PTPRT: variants seen among roughly 807,000 people sequenced by gnomAD.
The protein encoded by PTPRT is protein tyrosine phosphatase receptor type T.
A neutral mutation model predicts 176.8 loss-of-function variants in PTPRT; 56 were observed. The ratio of observed to expected loss-of-function variants is 0.32; its 90% CI spans 0.26 to 0.40. The LOEUF (loss-of-function observed/expected upper bound fraction) is 0.40, where lower values mean the gene tolerates loss of function less well. PTPRT is among the 10% of genes least tolerant of loss of function. The pLI is 1.00. For missense variants in PTPRT, 1,540 were observed against 1,908.2 expected, an observed-to-expected ratio of 0.81 and a Z score of 3.60; for synonymous variants, 783 against 739.0, an observed-to-expected ratio of 1.06 and a Z score of -0.96.
intron 19 of PTPRT, among the ~76,000 whole-genome samples, chr20:42,127,193 C>T (rs1047074221): frequency 6.6e-6 from 1 of 152,204 alleles, no homozygotes; most frequent in African/African-American, 2.4e-5. Context: ...GGAGAAATAA[C>T]TAGAGTCCAG....
rs35858700 is a variant in PTPRT at position 42,352,133 on chromosome 20, T to C, written c.1713A>G (p.Ala571=). Residue 571 remains alanine, a synonymous_variant, in exon 10 of 31, where the codon GCA becomes GCG. Transcript: ENST00000373187. Reference sequence around the variant, plus strand: ...TGGTGACAGGGGGCCCAAAGCCCTTTGCTGTGCTGGCCTTGATGGTGAAGG... The same window carrying C: ...TGGTGACAGGGGGCCCAAAGCCCTTCGCTGTGCTGGCCTTGATGGTGAAGG... ...TYSFTIKAST[A]KGFGPPVTTR... is the part of the protein sequence containing the mutation. 6,465 of 1,614,188 alleles carry C rather than the reference T, an allele frequency of 4.0e-3. 240 individuals carry two copies. The African/African-American group carries it at 0.074, about 19-fold the overall frequency.
chr20:43,137,076 T>C (rs934224477), intron 1 of PTPRT, among the ~76,000 whole-genome samples: 1 of 152,214 alleles, frequency 6.6e-6, no homozygotes, highest in Non-Finnish European at 1.5e-5. Context: ...GTCTTCTACC[T>C]GTGACTACTC....
intron 7 of PTPRT, among the ~76,000 whole-genome samples, chr20:42,596,577 T>C (rs2073674695): frequency 6.6e-6 from 1 of 152,222 alleles, no homozygotes; most frequent in Admixed American, 6.5e-5. Context: ...GCAATGTTTG[T>C]AACAGAAAAC....
intron 5 of PTPRT, among the ~76,000 whole-genome samples, chr20:42,758,247 T>TG (rs2076864776): frequency 6.6e-6 from 1 of 152,218 alleles, no homozygotes. Flanking sequence ...CGATCTTCAT[T>TG]GTTTCCTGCA....
chr20:42,761,609 C>T (rs2076917296), intron 5 of PTPRT, among the ~76,000 whole-genome samples: 1 of 152,144 alleles, frequency 6.6e-6, no homozygotes, highest in Admixed American at 6.5e-5. Context: ...CTAGTAATTC[C>T]TATTTAATGA....
At chr20:42,154,885 G>A (rs375685357) in intron 17 of PTPRT, among the ~76,000 whole-genome samples, 101 of 152,300 alleles carry the variant, frequency 6.6e-4, no homozygotes, top group African/African-American at 2.4e-3. Context: ...TGGGGAGGAG[G>A]GAGGATGCTG....
chr20:42,738,444 G>C (rs918954414), intron 6 of PTPRT, among the ~76,000 whole-genome samples: 2 of 151,972 alleles, frequency 1.3e-5, no homozygotes, highest in African/African-American at 4.8e-5. Flanking sequence ...GGGAGGTGGA[G>C]GTTGCAGTGA....
chr20:42,986,614 T>C (rs1029934176), intron 1 of PTPRT, among the ~76,000 whole-genome samples: 9 of 152,306 alleles, frequency 5.9e-5, no homozygotes, highest in Admixed American at 5.2e-4. Context: ...TCATGGACGA[T>C]GATGGTGACT....
chr20:42,036,623 C>T, the PTPRT span, among the ~76,000 whole-genome samples: 1 of 152,118 alleles, frequency 6.6e-6, no homozygotes, highest in South Asian at 2.1e-4. Context: ...CCGAAGAGCA[C>T]TTAAAAGTCC....
intron 13 of PTPRT, among the ~76,000 whole-genome samples, chr20:42,273,741 G>A (rs911056635): frequency 2.6e-5 from 4 of 152,218 alleles, no homozygotes; most frequent in African/African-American, 9.6e-5. Flanking sequence ...CTCACTAGCT[G>A]TGTCATTTGG....
chr20:42,305,748 C>G (rs1318269485), intron 12 of PTPRT, among the ~76,000 whole-genome samples: 1 of 152,152 alleles, frequency 6.6e-6, no homozygotes, highest in Non-Finnish European at 1.5e-5. Context: ...CATCTCATCC[C>G]TGTTTGACAG....
At position 42,896,333 on chromosome 20, in the gene PTPRT, C is replaced by T. The variant is rs961531856; in HGVS notation, c.89-10401G>A. On this transcript the variant is annotated intron_variant, in intron 1 of 30. Coordinates refer to ENST00000373187, the MANE Select transcript of PTPRT (RefSeq NM_007050.6). ...AGACTAAAATGCAGAGTCTCTTCTT[C>T]AAAATTAAGAAATCAAGATGGTGCC... 3.9e-5 allele frequency among the ~76,000 whole-genome samples: 6 copies of T among 151,916 alleles called. No homozygotes were observed. In the South Asian group the frequency reaches 1.0e-3, roughly 26 times the overall value.
At chr20:42,221,806 A>G (rs1294878264) in intron 15 of PTPRT, among the ~76,000 whole-genome samples, 2 of 152,130 alleles carry the variant, frequency 1.3e-5, no homozygotes, top group Non-Finnish European at 2.9e-5. Flanking sequence ...GATGTGAGCC[A>G]CCACACCTGG....
At chr20:42,249,201 A>T (rs185332076) in intron 13 of PTPRT, among the ~76,000 whole-genome samples, 4 of 152,254 alleles carry the variant, frequency 2.6e-5, no homozygotes, top group Admixed American at 1.3e-4. Context: ...CTAACCCTAC[A>T]TTATTCTTTC....
At chr20:42,932,829 G>A (rs929053979) in intron 1 of PTPRT, among the ~76,000 whole-genome samples, 2 of 152,216 alleles carry the variant, frequency 1.3e-5, no homozygotes, top group Non-Finnish European at 2.9e-5. Context: ...GGCGTCTACT[G>A]CCTTTGGAAT....
At chr20:42,965,027 T>C (rs1462926088) in intron 1 of PTPRT, among the ~76,000 whole-genome samples, 2 of 152,230 alleles carry the variant, frequency 1.3e-5, no homozygotes, top group Non-Finnish European at 2.9e-5. Context: ...AGAAAAATTA[T>C]TGTAATTTAT....
chr20:43,034,823 G>A (rs942051967), intron 1 of PTPRT, among the ~76,000 whole-genome samples: 3 of 151,926 alleles, frequency 2.0e-5, no homozygotes, highest in Admixed American at 2.0e-4. Flanking sequence ...TCCGGAACCG[G>A]GTTTTGTCTG....
At chr20:42,816,847 T>C (rs983853857) in intron 2 of PTPRT, among the ~76,000 whole-genome samples, 1 of 152,094 alleles carries the variant, frequency 6.6e-6, no homozygotes, top group Non-Finnish European at 1.5e-5. Context: ...GCTAATACAC[T>C]AACCAATCAT....
At chr20:42,363,359 G>A (rs1331262817) in intron 9 of PTPRT, among the ~76,000 whole-genome samples, 1 of 129,352 alleles carries the variant, frequency 7.7e-6, no homozygotes, top group African/African-American at 3.0e-5. Context: ...CGCTCAGGCT[G>A]GAGTGCAGTG....
Sources: gnomAD v4.1 joint callset for allele counts (sites outside exome capture counted in the v4.1 genomes callset) on GRCh38, gnomAD v4.1.1 for gene constraint, MANE v1.5 for transcripts, NCBI Gene and HGNC (gene_info 2026-07-23, HGNC 2026-07-21) for gene names.